NDRG2: variants seen among roughly 807,000 people sequenced by gnomAD.
The protein encoded by NDRG2 is protein NDRG2.
Under a neutral mutation model 58.2 loss-of-function variants are expected in NDRG2, and 34 were observed. The observed-to-expected ratio is 0.58, with a 90% CI of 0.44 to 0.78. NDRG2 has a LOEUF of 0.78. NDRG2 is among the 30% of genes least tolerant of loss of function. The pLI, the probability that NDRG2 is intolerant of heterozygous loss-of-function variation, is 0.00. For synonymous variants in NDRG2, 187 were observed against 175.9 expected, an observed-to-expected ratio of 1.06 and a Z score of -0.50; for missense variants, 434 against 471.2, an observed-to-expected ratio of 0.92 and a Z score of 0.73.
intron 1 of NDRG2, among the ~76,000 whole-genome samples, chr14:21,044,838 C>G (rs184771127): frequency 6.6e-6 from 1 of 152,214 alleles, no homozygotes; most frequent in Non-Finnish European, 1.5e-5. Context: ...TCCACTCTAC[C>G]TATCCCTCCC....
At chr14:21,027,752 G>A (rs761676437), upstream of NDRG2, among the ~76,000 whole-genome samples, 3 of 152,142 alleles carry the variant, frequency 2.0e-5, no homozygotes, top group African/African-American at 7.2e-5. Context: ...AAATCCTCAC[G>A]CCAGGAGGCT....
upstream of NDRG2, among the ~76,000 whole-genome samples, chr14:21,027,645 A>C (rs1228556988): frequency 6.6e-6 from 1 of 152,248 alleles, no homozygotes; most frequent in African/African-American, 2.4e-5. Flanking sequence ...CAACATCTGT[A>C]AATGCGGTAA....
intron 1 of NDRG2, among the ~76,000 whole-genome samples, chr14:21,068,788 G>T (rs1886436854): frequency 6.6e-6 from 1 of 152,200 alleles, no homozygotes. Flanking sequence ...GTTCTTTTTT[G>T]ACGCATGGAG....
intron 5 of NDRG2, 71 bp downstream of exon 5, chr14:21,021,991 C>T (rs1271766601): frequency 1.2e-6 from 2 of 1,612,324 alleles, no homozygotes; most frequent in East Asian, 4.5e-5. Context: ...TTTCCTCCTC[C>T]CCAGTCGAAC....
chr14:21,022,050 C>A lies in NDRG2; in HGVS notation c.344+12G>T. The A allele has an allele frequency of 6.2e-7, 1 of 1,614,188 alleles. No homozygotes were observed. The highest frequency in any genetic ancestry group is 8.5e-7 in the Non-Finnish European group (1 of 1,180,020). On this transcript the variant is annotated intron_variant, in intron 5 of 15. Coordinates refer to ENST00000556147, the MANE Select transcript of NDRG2 (RefSeq NM_001320329.2). ...TCACAGTCTGGTGAAGCAGTAACGA[C>A]CTAACTCTTACCCCAAAGGGAACAC...
At chr14:21,018,678 A>C in intron 12 of NDRG2, 85 bp downstream of exon 12, 3 of 1,601,304 alleles carry the variant, frequency 1.9e-6, no homozygotes, top group Non-Finnish European at 2.6e-6. Context: ...GCCAAACAGG[A>C]CATCCCCTTG....
intron 8 of NDRG2, 57 bp from the exon 9 acceptor site, chr14:21,020,033 C>A: frequency 3.3e-6 from 5 of 1,522,042 alleles, no homozygotes; most frequent in Non-Finnish European, 4.5e-6. Flanking sequence ...CAGTGGCTCA[C>A]GTCTGTAATC....
intron 13 of NDRG2, 101 bp downstream of exon 13, chr14:21,018,356 C>T (rs544614463): frequency 1.5e-4 from 246 of 1,601,718 alleles, no homozygotes; most frequent in Non-Finnish European, 2.0e-4. Context: ...TTTTGTTCTT[C>T]GTTCACCCCA....
At chr14:21,043,217 T>C in intron 1 of NDRG2, 1 of 1,614,126 alleles carries the variant, frequency 6.2e-7, no homozygotes, top group Non-Finnish European at 8.5e-7. Context: ...TGCACGAGCC[T>C]TTCTCCAGTG....
intron 1 of NDRG2, among the ~76,000 whole-genome samples, chr14:21,063,932 A>C (rs1886111873): frequency 6.6e-6 from 1 of 152,198 alleles, no homozygotes; most frequent in Non-Finnish European, 1.5e-5. Flanking sequence ...ACTCCCTTAC[A>C]TAGAACCGAA....
At chr14:21,023,135 A>T in intron 2 of NDRG2, 106 bp downstream of exon 2, 1 of 1,000,048 alleles carries the variant, frequency 1.0e-6, no homozygotes, top group Non-Finnish European at 1.5e-6. Flanking sequence ...GTGGTGAAGC[A>T]GTGGTGTGAG....
At chr14:21,023,770 A>G (rs1298823733) in intron 1 of NDRG2, 1 of 167,006 alleles carries the variant, frequency 6.0e-6, no homozygotes, top group East Asian at 1.8e-4. Flanking sequence ...ACAATTGACC[A>G]TGACCTTCAA....
chr14:21,057,233 A>G (rs140370983), intron 1 of NDRG2, among the ~76,000 whole-genome samples: 1,942 of 152,170 alleles, frequency 0.013, 45 homozygotes, highest in African/African-American at 0.044. Context: ...TCAGGAGTTC[A>G]AGACCAGCCT....
At chr14:21,045,006 A>C (rs542974317) in intron 1 of NDRG2, among the ~76,000 whole-genome samples, 1 of 152,254 alleles carries the variant, frequency 6.6e-6, no homozygotes, top group Non-Finnish European at 1.5e-5. Context: ...CCTGCCAAAT[A>C]GGATTCCAGG....
At chr14:21,021,382 A>G (rs759929339) in intron 6 of NDRG2, 8 of 326,404 alleles carry the variant, frequency 2.5e-5, no homozygotes, top group East Asian at 7.8e-5. Context: ...CTGAATACCA[A>G]AGACACTTGG....
chr14:21,070,381 G>A lies in NDRG2; in HGVS notation c.24+447C>T. ...GCCCGCCCGACCAAGCGTCGGACGC[G>A]GCCCGGCGCCGAGCCATGGTGAGTC... On this transcript the variant is annotated intron_variant, in intron 1 of 14. Transcript: ENST00000403829. The surrounding 1 kb of genome is among the most constrained non-coding windows in gnomAD (Gnocchi z 4.7). 11 of 1,406,804 alleles carry A rather than the reference G, an allele frequency of 7.8e-6. No individual in the cohort carries two copies. Among genetic ancestry groups the A allele is most frequent in the Non-Finnish European group, 1.0e-5 (11 of 1,089,232 alleles). The allele number at this position is 1,406,804 out of a possible 1,614,324, so 87.1% of individuals were successfully genotyped here. A position where few individuals can be genotyped will look rare whatever the true frequency, so the allele number is the denominator to read the frequency against.
Position 21,056,694 on chromosome 14 carries a change from C to T in NDRG2, c.24+14134G>A, listed in dbSNP as rs957817607. ...CTCTGCTCCTATGGGAAACTCTTTC[C>T]TCTTTCCTTTTTAGCTTGGCGCCAG... is the stretch of plus-strand genomic sequence containing the variant. On this transcript the variant is annotated intron_variant, in intron 1 of 14. Coordinates refer to the NDRG2 transcript ENST00000403829. Among the ~76,000 whole-genome samples, 4 of 152,360 alleles carry T rather than the reference C, an allele frequency of 2.6e-5. No homozygotes were observed. The South Asian group carries it at 8.3e-4, about 32-fold the overall frequency.
intron 1 of NDRG2, chr14:21,057,720 C>A: frequency 1.7e-6 from 1 of 596,394 alleles, no homozygotes. Flanking sequence ...GGCACATTAT[C>A]TGCTGGTACT....
At position 21,018,023 on chromosome 14, in the gene NDRG2, C is replaced by T. The variant is rs780591974; in HGVS notation, c.913G>A (p.Glu305Lys). The T allele has an allele frequency of 2.5e-6, 4 of 1,614,178 alleles. No individual in the cohort carries two copies. The highest frequency in any genetic ancestry group is 1.7e-6 in the Non-Finnish European group (2 of 1,180,026). ...PQLTQPGKLT[E>K]AFKYFLQGMG... ...CCTTGCAGGAAGTACTTGAAGGCCT[C>T]GGTCAGCTTGCCTGGCTGCGGAAGT... is the stretch of plus-strand genomic sequence containing the variant. Residue 305 changes from glutamate to lysine, a missense_variant, in exon 15 of 16, where the codon GAG (glutamate) becomes AAG (lysine). Transcript: ENST00000556147.
Sources: allele counts gnomAD v4.1 joint callset (sites outside exome capture counted in the v4.1 genomes callset), GRCh38; gene constraint gnomAD v4.1.1; non-coding constraint Gnocchi (gnomAD v3.1); transcripts MANE v1.5; gene names NCBI Gene and HGNC (gene_info 2026-07-23, HGNC 2026-07-21).